The following AHI1 variants were observed in gnomAD, a reference collection of about 807,000 sequenced individuals.
AHI1 encodes Abelson helper integration site 1.
AHI1 carries 123 observed loss-of-function variants against 149.3 expected under a neutral mutation model. That is an observed-to-expected ratio of 0.82 (90% CI 0.71 to 0.96). The LOEUF is 0.96. AHI1 is among the 40% of genes least tolerant of loss of function. AHI1 has a pLI of 0.00. For synonymous variants in AHI1, 475 were observed against 459.8 expected (o/e 1.03, Z -0.42); for missense variants, 1,439 against 1,422.7 (o/e 1.01, Z -0.18).
At chr6:135,471,253 C>T (rs956492111) in intron 5 of AHI1, among the ~76,000 whole-genome samples, 2 of 152,240 alleles carry the variant, frequency 1.3e-5, no homozygotes, top group Admixed American at 1.3e-4. Flanking sequence ...GATCTGTCAG[C>T]CTTTGCACTA....
At chr6:135,431,129 C>T (rs1784593999) in intron 17 of AHI1, 79 bp downstream of exon 17, 1 of 872,800 alleles carries the variant, frequency 1.1e-6, no homozygotes, top group Non-Finnish European at 1.7e-6. Flanking sequence ...AATGTCCTGA[C>T]ATCCTATCTT....
chr6:135,468,561 A>C (rs553620796), intron 5 of AHI1, among the ~76,000 whole-genome samples: 2 of 152,186 alleles, frequency 1.3e-5, no homozygotes, highest in South Asian at 4.1e-4. Context: ...AAAATTAGCC[A>C]GGCGTGACGG....
At chr6:135,359,901 CA>C (rs1269337016) in intron 23 of AHI1, among the ~76,000 whole-genome samples, 1 of 150,904 alleles carries the variant, frequency 6.6e-6, no homozygotes, top group Non-Finnish European at 1.5e-5. Flanking sequence ...AAGAAAAAAA[CA>C]AAAAAAACTC....
chr6:135,432,313 G>C (rs1583205086), intron 16 of AHI1, among the ~76,000 whole-genome samples: 1 of 152,050 alleles, frequency 6.6e-6, no homozygotes, highest in Non-Finnish European at 1.5e-5. Context: ...CATTCTTTCA[G>C]ATAATAAAAT....
In AHI1 at chr6:135,481,413, T is replaced by G. The variant is rs114441216; in HGVS notation, c.135+9210A>C. Among the ~76,000 whole-genome samples, 910 of 152,278 alleles carry G rather than the reference T, an allele frequency of 6.0e-3. 13 individuals are homozygous for G. The highest frequency in any genetic ancestry group is 0.021 in the African/African-American group (867 of 41,552). On this transcript the variant is annotated intron_variant, in intron 5 of 28. Transcript: ENST00000265602. ...TGGATTTTGTATATCTGCATTATAT[T>G]TACTGGTTCAACATCCCTAATTTAA...
chr6:135,398,058 GTTTTTTTTTTTTT>G (rs68148024), intron 22 of AHI1, among the ~76,000 whole-genome samples: 1 of 88,428 alleles, frequency 1.1e-5, no homozygotes, highest in African/African-American at 4.3e-5. Flanking sequence ...TACCCAGGAT[GTTTTTTTTTTTTT>G]TTTTTTTTTG....
intron 24 of AHI1, among the ~76,000 whole-genome samples, chr6:135,330,491 T>A (rs975160490): frequency 1.3e-5 from 2 of 152,218 alleles, no homozygotes; most frequent in East Asian, 3.8e-4. Flanking sequence ...ACTACATACT[T>A]AATAGACTAC....
intron 24 of AHI1, among the ~76,000 whole-genome samples, chr6:135,346,566 AT>A (rs530335903): frequency 6.6e-6 from 1 of 151,950 alleles, no homozygotes; most frequent in Non-Finnish European, 1.5e-5. Context: ...GATTATAAAG[AT>A]TTTTTTTCTA....
chr6:135,404,183 G>A (rs552724750), intron 22 of AHI1, among the ~76,000 whole-genome samples: 7 of 152,186 alleles, frequency 4.6e-5, no homozygotes, highest in Admixed American at 2.0e-4. Context: ...TGAATTTTGG[G>A]AGTGGACAGA....
At chr6:135,388,077 AT>A in intron 23 of AHI1, 4 of 1,603,450 alleles carry the variant, frequency 2.5e-6, no homozygotes, top group Non-Finnish European at 3.4e-6. Flanking sequence ...TAATAAAAAC[AT>A]TTTTGATTCT....
At chr6:135,496,091 A>T (rs1430577530) in intron 2 of AHI1, among the ~76,000 whole-genome samples, 193 bp from the exon 3 acceptor site, 1 of 152,192 alleles carries the variant, frequency 6.6e-6, no homozygotes, top group Non-Finnish European at 1.5e-5. Flanking sequence ...TAATGATAAC[A>T]CAGCAAATAC....
In AHI1 at chr6:135,433,022, C is replaced by G. The variant is rs1292357425; in HGVS notation, c.2266+5G>C. On this transcript the variant is annotated splice_donor_5th_base_variant and intron_variant, in intron 16 of 28. Coordinates refer to ENST00000265602, the MANE Select transcript of AHI1 (RefSeq NM_001134831.2). ...GCTGGTCTTCATTCATAGTCTCTGACATACCTTCAGTATCAAAACAAAGTG... is the reference window on the plus strand; with the variant it reads ...GCTGGTCTTCATTCATAGTCTCTGAGATACCTTCAGTATCAAAACAAAGTG... 1 of 1,599,146 alleles carries G rather than the reference C, an allele frequency of 6.3e-7. No homozygotes were observed. The highest frequency in any genetic ancestry group is 8.6e-7 in the Non-Finnish European group (1 of 1,166,638).
At position 135,488,887 on chromosome 6, in the gene AHI1, T is replaced by C. The variant is rs188238951; in HGVS notation, c.135+1736A>G. 3.4e-3 allele frequency among the ~76,000 whole-genome samples: 517 copies of C among 152,284 alleles called. 5 individuals are homozygous for C. Among genetic ancestry groups the C allele is most frequent in the African/African-American group, 0.012 (498 of 41,562 alleles). ...TGGATTCTGCACTTCCACTCAGTGT[T>C]TGAATCCTGGTTCTACCATTTACTA... On this transcript the variant is annotated intron_variant, in intron 5 of 28. Transcript: ENST00000265602.
chr6:135,300,292 T>C (rs1246324834), intron 27 of AHI1, among the ~76,000 whole-genome samples: 1 of 139,242 alleles, frequency 7.2e-6, no homozygotes, highest in Non-Finnish European at 1.5e-5. Context: ...GCCACGGCAC[T>C]CCAGCCTGGG....
intron 23 of AHI1, among the ~76,000 whole-genome samples, chr6:135,386,684 G>A (rs556300311): frequency 6.6e-6 from 1 of 152,074 alleles, no homozygotes; most frequent in Admixed American, 6.5e-5. Flanking sequence ...AGGCTGGAGT[G>A]CAATGGCGTG....
chr6:135,386,532 G>A lies in AHI1; in HGVS notation c.3109+8244C>T, dbSNP rs376006532. 6.6e-5 allele frequency among the ~76,000 whole-genome samples: 10 copies of A among 152,158 alleles called. No individual in the cohort carries two copies. The South Asian group carries it at 1.5e-3, about 22-fold the overall frequency. ...TCACCGTGTTAGCCAGGATGGTCTC[G>A]ATCTCCTGACCTTGTGATCCGCCTG... On this transcript the variant is annotated intron_variant, in intron 23 of 28. Transcript: ENST00000265602.
At chr6:135,286,122 T>C (rs943850743) in intron 28 of AHI1, among the ~76,000 whole-genome samples, 2 of 152,250 alleles carry the variant, frequency 1.3e-5, no homozygotes, top group Admixed American at 6.5e-5. Context: ...CCTACTTTTA[T>C]ATAATTAGGT....
intron 10 of AHI1, among the ~76,000 whole-genome samples, chr6:135,455,122 T>A (rs1307101015): frequency 6.6e-6 from 1 of 152,136 alleles, no homozygotes; most frequent in Non-Finnish European, 1.5e-5. Flanking sequence ...GCATTTTTTT[T>A]AACTTAAAAT....
intron 24 of AHI1, among the ~76,000 whole-genome samples, chr6:135,338,927 C>CT (rs143028763): frequency 0.013 from 1,777 of 140,912 alleles, 31 homozygotes; most frequent in African/African-American, 0.034. Context: ...CTCATCTTTC[C>CT]TTTTTTTTTT....
Sources: gnomAD v4.1 joint callset for allele counts (sites outside exome capture counted in the v4.1 genomes callset) on GRCh38, gnomAD v4.1.1 for gene constraint, MANE v1.5 for transcripts, NCBI Gene and HGNC (gene_info 2026-07-23, HGNC 2026-07-21) for gene names.